The following CACNB2 variants were observed in gnomAD, a reference collection of about 807,000 sequenced individuals.
CACNB2 encodes voltage-dependent L-type calcium channel subunit beta-2.
A neutral mutation model predicts 73.3 loss-of-function variants in CACNB2; 42 were observed. That is an observed-to-expected ratio of 0.57 (90% CI 0.45 to 0.74). The LOEUF is 0.74. Ranked by LOEUF, CACNB2 falls within the 30% of genes least tolerant of loss-of-function variation. CACNB2 has a pLI of 0.00. For synonymous variants in CACNB2, 348 were observed against 310.3 expected, an observed-to-expected ratio of 1.12 and a Z score of -1.28; for missense variants, 940 against 853.0, an observed-to-expected ratio of 1.10 and a Z score of -1.27.
At chr10:18,327,242 A>G (rs975529777) in intron 2 of CACNB2, among the ~76,000 whole-genome samples, 1 of 152,162 alleles carries the variant, frequency 6.6e-6, no homozygotes, top group Admixed American at 6.5e-5. Flanking sequence ...GAGCATACCT[A>G]TTAATTATAT....
intron 2 of CACNB2, among the ~76,000 whole-genome samples, chr10:18,237,601 A>T (rs2036496126): frequency 6.6e-6 from 1 of 152,204 alleles, no homozygotes; most frequent in South Asian, 2.1e-4. Context: ...GCTTTCAGCC[A>T]CCTATCCTAT....
chr10:18,318,263 G>A (rs1320280381), intron 2 of CACNB2, among the ~76,000 whole-genome samples: 3 of 152,132 alleles, frequency 2.0e-5, no homozygotes, highest in African/African-American at 7.2e-5. Flanking sequence ...CATGGTACTG[G>A]TACCAAAACA....
intron 2 of CACNB2, among the ~76,000 whole-genome samples, chr10:18,295,998 GTT>G (rs34043231): frequency 0.092 from 5,579 of 60,766 alleles, 314 homozygotes; most frequent in African/African-American, 0.2. Context: ...CTTTTTGCGT[GTT>G]TTTTTTTTTT....
At chr10:18,365,876 A>G (rs937002877) in intron 2 of CACNB2, among the ~76,000 whole-genome samples, 2 of 152,228 alleles carry the variant, frequency 1.3e-5, no homozygotes, top group African/African-American at 2.4e-5. Context: ...AAAGAAATGT[A>G]TAGAACTATC....
chr10:18,369,257 C>G (rs1424949781), intron 2 of CACNB2, among the ~76,000 whole-genome samples: 1 of 152,060 alleles, frequency 6.6e-6, no homozygotes, highest in Non-Finnish European at 1.5e-5. Flanking sequence ...TTTTTCATTT[C>G]TTTTAGTTCT....
At chr10:18,299,155 A>C (rs2131821302) in intron 2 of CACNB2, among the ~76,000 whole-genome samples, 1 of 152,238 alleles carries the variant, frequency 6.6e-6, no homozygotes, top group South Asian at 2.1e-4. Context: ...GTAAATATTA[A>C]CCCTTTTGCA....
chr10:18,234,109 G>A (rs1265178937), intron 2 of CACNB2: 1 of 152,208 alleles, frequency 6.6e-6, no homozygotes, highest in East Asian at 1.9e-4. Context: ...GTTAGAGGCT[G>A]GTTCATGACT....
At chr10:18,442,223 C>T (rs1272266171) in intron 3 of CACNB2, among the ~76,000 whole-genome samples, 1 of 152,004 alleles carries the variant, frequency 6.6e-6, no homozygotes, top group East Asian at 2.0e-4. Flanking sequence ...GATCTCTACT[C>T]ACTGCAACCT....
At chr10:18,461,000 G>C (rs1216553006) in intron 3 of CACNB2, among the ~76,000 whole-genome samples, 1 of 152,026 alleles carries the variant, frequency 6.6e-6, no homozygotes, top group Non-Finnish European at 1.5e-5. Flanking sequence ...CGTGATCTTG[G>C]CTCACTGCAG....
chr10:18,264,591 A>G (rs755865471), intron 2 of CACNB2, among the ~76,000 whole-genome samples: 3 of 152,072 alleles, frequency 2.0e-5, no homozygotes, highest in Non-Finnish European at 4.4e-5. Flanking sequence ...CTGTTTCTGA[A>G]TTTTATTCAA....
chr10:18,448,231 C>G (rs1240675211), intron 3 of CACNB2, among the ~76,000 whole-genome samples: 1 of 152,004 alleles, frequency 6.6e-6, no homozygotes, highest in African/African-American at 2.4e-5. Context: ...CACCTGTAAT[C>G]CCAGCACTTT....
rs138435632 is a variant in CACNB2 at position 18,407,983 on chromosome 10, G to C, written c.333+5940G>C. On this transcript the variant is annotated intron_variant, in intron 3 of 13. Coordinates refer to ENST00000324631, the MANE Select transcript of CACNB2 (RefSeq NM_201596.3). ...TTTTTTCAAATGTTTGATTTCTAAT[G>C]ACTATATTTATTATTTCATATATTT... Among the ~76,000 whole-genome samples the C allele has an allele frequency of 4.1e-3, 625 of 152,060 alleles. 4 individuals are homozygous for C. Among genetic ancestry groups the C allele is most frequent in the Non-Finnish European group, 6.7e-3 (456 of 68,000 alleles).
At chr10:18,440,476 A>G (rs1194655778) in intron 3 of CACNB2, among the ~76,000 whole-genome samples, 2 of 151,626 alleles carry the variant, frequency 1.3e-5, no homozygotes. Context: ...TGGAGACCAG[A>G]TTGGGCAACA....
intron 2 of CACNB2, among the ~76,000 whole-genome samples, chr10:18,374,475 C>A (rs1309480475): frequency 6.6e-6 from 1 of 152,178 alleles, no homozygotes. Context: ...TGCCTATAAT[C>A]CCAGCACTTT....
chr10:18,279,408 C>T (rs772394367), intron 2 of CACNB2, among the ~76,000 whole-genome samples: 3 of 152,170 alleles, frequency 2.0e-5, no homozygotes, highest in East Asian at 1.9e-4. Context: ...GCTTAAGAAA[C>T]GATTGTTTGT....
At chr10:18,423,371 G>A (rs974433173) in intron 3 of CACNB2, among the ~76,000 whole-genome samples, 3 of 152,128 alleles carry the variant, frequency 2.0e-5, no homozygotes, top group African/African-American at 7.2e-5. Context: ...GGTTACCAAG[G>A]CATGGGCCGG....
chr10:18,518,091 C>T (rs965646461), intron 7 of CACNB2, among the ~76,000 whole-genome samples: 23 of 152,208 alleles, frequency 1.5e-4, no homozygotes, highest in Admixed American at 7.9e-4. Flanking sequence ...GCTTTAGGAA[C>T]GAATAGGTCT....
At chr10:18,374,175 C>A (rs1445298616) in intron 2 of CACNB2, among the ~76,000 whole-genome samples, 17 of 152,134 alleles carry the variant, frequency 1.1e-4, no homozygotes, top group Non-Finnish European at 1.5e-5. Flanking sequence ...AAGCTATAAC[C>A]AGAGCACTGG....
intron 2 of CACNB2, among the ~76,000 whole-genome samples, chr10:18,161,827 G>C (rs1384670624): frequency 6.6e-6 from 1 of 151,914 alleles, no homozygotes; most frequent in African/African-American, 2.4e-5. Context: ...TACTGGGGAG[G>C]GTGAGGCATG....
Sources: gnomAD v4.1 joint callset for allele counts (sites outside exome capture counted in the v4.1 genomes callset) on GRCh38, gnomAD v4.1.1 for gene constraint, MANE v1.5 for transcripts, NCBI Gene and HGNC (gene_info 2026-07-23, HGNC 2026-07-21) for gene names.